The following CRYM variants were observed in gnomAD, a reference collection of about 807,000 sequenced individuals.
CRYM encodes ketimine reductase mu-crystallin.
CRYM carries 18 observed loss-of-function variants against 32.9 expected under a neutral mutation model. That is an observed-to-expected ratio of 0.55 (90% confidence interval 0.38 to 0.81). CRYM has a LOEUF of 0.81. Among genes scored for constraint, CRYM ranks in the 30% least tolerant of loss-of-function variants. CRYM has a pLI of 0.00. For synonymous variants in CRYM, 153 were observed against 152.4 expected, an observed-to-expected ratio of 1.00 and a Z score of -0.03; for missense variants, 337 against 393.5, an observed-to-expected ratio of 0.86 and a Z score of 1.21.
chr16:21,269,170 T>C (rs2093369986), intron 4 of CRYM, among the ~76,000 whole-genome samples: 1 of 147,744 alleles, frequency 6.8e-6, no homozygotes, highest in Non-Finnish European at 1.5e-5. Flanking sequence ...AAAAAAGTCA[T>C]GGCCAAAACT....
chr16:21,259,752 G>T (rs1423697940), intron 7 of CRYM, among the ~76,000 whole-genome samples: 4 of 152,208 alleles, frequency 2.6e-5, no homozygotes, highest in Admixed American at 1.3e-4. Context: ...TGCATCCTTT[G>T]ATATCTCCCC....
intron 1 of CRYM, among the ~76,000 whole-genome samples, chr16:21,301,592 C>T (rs1346633951): frequency 2.0e-5 from 3 of 152,238 alleles, no homozygotes; most frequent in East Asian, 3.9e-4. Flanking sequence ...GGGGACTACA[C>T]TCGTGGGCGC....
chr16:21,287,089 C>CA (rs71151633), intron 1 of CRYM, among the ~76,000 whole-genome samples: 2,838 of 113,200 alleles, frequency 0.025, 80 homozygotes, highest in East Asian at 0.1. Flanking sequence ...GACTCCGTCT[C>CA]AAAAAAAAAA....
chr16:21,262,279 C>A, intron 5 of CRYM, 121 bp from the exon 6 acceptor site: 3 of 1,242,902 alleles, frequency 2.4e-6, no homozygotes, highest in Non-Finnish European at 3.5e-6. Context: ...AAAATACCCC[C>A]TCATTCCCCA....
chr16:21,284,486 C>T (rs1320559855), intron 1 of CRYM, among the ~76,000 whole-genome samples: 1 of 152,140 alleles, frequency 6.6e-6, no homozygotes, highest in Non-Finnish European at 1.5e-5. Context: ...ATTCTCCTCT[C>T]CCCACTGCCT....
intron 3 of CRYM, among the ~76,000 whole-genome samples, chr16:21,270,275 C>A (rs1327314589): frequency 6.6e-6 from 1 of 151,312 alleles, no homozygotes; most frequent in African/African-American, 2.4e-5. Context: ...ATTTCTTTTT[C>A]TTTCTTTCTT....
intron 1 of CRYM, among the ~76,000 whole-genome samples, chr16:21,298,108 C>T (rs1386107291): frequency 1.3e-5 from 2 of 152,136 alleles, no homozygotes; most frequent in Non-Finnish European, 2.9e-5. Flanking sequence ...AGGTGTTTGT[C>T]CAGTATTTGC....
intron 5 of CRYM, among the ~76,000 whole-genome samples, chr16:21,263,438 C>T (rs528238049): frequency 1.2e-4 from 18 of 152,216 alleles, no homozygotes; most frequent in African/African-American, 4.3e-4. Context: ...CAGCCTCAAA[C>T]TCCTGAGCTC....
chr16:21,267,781 C>T, intron 4 of CRYM, 44 bp from the exon 5 acceptor site: 1 of 1,607,668 alleles, frequency 6.2e-7, no homozygotes, highest in Non-Finnish European at 8.5e-7. Flanking sequence ...CATTTTTTGG[C>T]TGCTTATGTT....
In CRYM at chr16:21,261,310, A is replaced by T; in HGVS notation, c.824T>A (p.Val275Glu). 1 of 1,613,840 alleles carries T rather than the reference A, an allele frequency of 6.2e-7. No homozygotes were observed. The highest frequency in any genetic ancestry group is 8.5e-7 in the Non-Finnish European group (1 of 1,179,942). ...GAEIFAELGE[V>E]IKGVKPAHCE... ...GTGGGCTGGTTTCACTCCCTTAATC[A>T]CTTCTCCCAGCTCAGCAAAGATCTC... Residue 275 changes from valine to glutamate, a missense_variant, in exon 7 of 8, where the codon GTG becomes GAG. Val to Glu is a moderately radical substitution (Grantham distance 121). Coordinates refer to ENST00000572914, the MANE Select transcript of CRYM (RefSeq NM_001376256.1).
At chr16:21,283,863 C>G (rs1416309666) in intron 1 of CRYM, 1 of 152,198 alleles carries the variant, frequency 6.6e-6, no homozygotes, top group East Asian at 2.0e-4. Flanking sequence ...GACTCGCCCG[C>G]GGGCGGCTGC....
upstream of CRYM, among the ~76,000 whole-genome samples, chr16:21,283,217 A>G (rs1268739626): frequency 6.6e-6 from 1 of 152,190 alleles, no homozygotes; most frequent in African/African-American, 2.4e-5. Context: ...GTAGAGCTGT[A>G]CCATAGTGAG....
upstream of CRYM, among the ~76,000 whole-genome samples, chr16:21,279,244 C>T (rs371327701): frequency 5.9e-4 from 90 of 152,282 alleles, 1 homozygote; most frequent in South Asian, 0.016. Context: ...TATACAACAA[C>T]CTCTAAGGTA....
In CRYM at chr16:21,267,577, A is replaced by G. The variant is rs2093366538; in HGVS notation, c.650T>C (p.Val217Ala). 1 of 1,613,756 alleles carries G rather than the reference A, an allele frequency of 6.2e-7. No individual in the cohort carries two copies. The highest frequency in any genetic ancestry group is 1.1e-5 in the South Asian group (1 of 91,058). ...ATEPILFGEW[V>A]KPGAHINAVG... ...ACCATTGATGTGAGCCCCTGGCTTC[A>G]CCCATTCACCAAACAAAATGGGCTC... Residue 217 changes from valine (V) to alanine (A), a missense_variant, in exon 5 of 8, where the codon GTG becomes GCG. Transcript: ENST00000572914.
intron 1 of CRYM, among the ~76,000 whole-genome samples, chr16:21,299,436 G>C (rs1489040071): frequency 6.6e-6 from 1 of 152,088 alleles, no homozygotes; most frequent in Non-Finnish European, 1.5e-5. Context: ...AGCCTCCCGA[G>C]TAGCTTGCAT....
chr16:21,292,123 C>A (rs1960672076), intron 1 of CRYM, among the ~76,000 whole-genome samples: 1 of 152,006 alleles, frequency 6.6e-6, no homozygotes, highest in East Asian at 1.9e-4. Flanking sequence ...TTGAAAATAA[C>A]CCAATGTCCA....
In CRYM at chr16:21,267,687, T is replaced by C. The variant is rs2093366991; in HGVS notation, c.540A>G (p.Thr180=). The C allele has an allele frequency of 3.1e-6, 5 of 1,614,242 alleles. No individual in the cohort carries two copies. The highest frequency in any genetic ancestry group is 2.2e-5 in the East Asian group (1 of 44,886). ...TKENAEKFAD[T]VQGEVRVCSS... is the part of the protein sequence containing the mutation. ...AACAGACCCGTACCTCTCCTTGCACTGTGTCTGCAAACTTCTCTGCATTTT... is the reference window on the plus strand; with the variant it reads ...AACAGACCCGTACCTCTCCTTGCACCGTGTCTGCAAACTTCTCTGCATTTT... The change falls in exon 5 of 8, where the codon ACA becomes ACG. Residue 180 remains threonine, a synonymous_variant. Transcript: ENST00000572914.
intron 4 of CRYM, chr16:21,268,665 T>A (rs1230325343): frequency 6.6e-6 from 1 of 152,158 alleles, no homozygotes; most frequent in Non-Finnish European, 1.5e-5. Context: ...TATGCAAATT[T>A]TATGCAAAAA....
intron 1 of CRYM, among the ~76,000 whole-genome samples, chr16:21,287,611 G>A (rs755017934): frequency 6.6e-6 from 1 of 152,170 alleles, no homozygotes; most frequent in Non-Finnish European, 1.5e-5. Context: ...AGGAGATTGA[G>A]TTCAGTCACC....
Sources: allele counts gnomAD v4.1 joint callset (sites outside exome capture counted in the v4.1 genomes callset), GRCh38; gene constraint gnomAD v4.1.1; transcripts MANE v1.5; gene names NCBI Gene and HGNC (gene_info 2026-07-23, HGNC 2026-07-21).